HCN2: variants seen among roughly 807,000 people sequenced by gnomAD.
The protein encoded by HCN2 is hyperpolarization activated cyclic nucleotide gated potassium and sodium channel 2, also known as potassium/sodium hyperpolarization-activated cyclic nucleotide-gated channel 2.
A neutral mutation model predicts 52.3 loss-of-function variants in HCN2; 20 were observed. The observed-to-expected ratio is 0.38, with a 90% CI of 0.27 to 0.56. HCN2 has a LOEUF of 0.56. Among genes scored for constraint, HCN2 ranks in the 20% least tolerant of loss-of-function variants. HCN2 has a pLI of 0.71. For synonymous variants in HCN2, 694 were observed against 537.0 expected, an observed-to-expected ratio of 1.29 and a Z score of -4.04; for missense variants, 981 against 1,207.7, an observed-to-expected ratio of 0.81 and a Z score of 2.78.
At position 617,055 on chromosome 19, in the gene HCN2, G is replaced by A. The variant is rs1193427798; in HGVS notation, c.*581G>A. 3 of 565,292 alleles carry A rather than the reference G, an allele frequency of 5.3e-6. No homozygotes were observed. Among genetic ancestry groups the A allele is most frequent in the Non-Finnish European group, 9.6e-6 (3 of 313,552 alleles). The allele number at this position is 565,292 out of a possible 1,614,324, so 35.0% of individuals were successfully genotyped here. ...GAGGCTGGGGTCCCGCCGCCGTGAT[G>A]AATGTACTGACGAGCCGAGGCAGCA... On this transcript the variant is annotated 3_prime_UTR_variant, in exon 8 of 8. Transcript: ENST00000251287.
intron 1 of HCN2, among the ~76,000 whole-genome samples, chr19:596,333 CG>C (rs1459094338): frequency 6.6e-6 from 1 of 152,150 alleles, no homozygotes; most frequent in East Asian, 1.9e-4. Context: ...TGTCAGGTGC[CG>C]GGGGCCCCAC....
rs542316389 is a variant in HCN2 at position 616,932 on chromosome 19, C to T, written c.*458C>T. The T allele has an allele frequency of 3.5e-3, 1,305 of 372,904 alleles. 8 individuals carry two copies. The highest frequency in any genetic ancestry group is 0.025 in the African/African-American group (1,151 of 46,564). The allele number at this position is 372,904 out of a possible 1,614,324, so 23.1% of individuals were successfully genotyped here. A position where few individuals can be genotyped will look rare whatever the true frequency, so the allele number is the denominator to read the frequency against. On this transcript the variant is annotated 3_prime_UTR_variant, in exon 8 of 8. Coordinates refer to ENST00000251287, the MANE Select transcript of HCN2 (RefSeq NM_001194.4). ...CTCACGCAATAACCGGCCCGGCCCC[C>T]GTCCGCGCGCGTCCCCCGGTGACCT...
At chr19:611,296 G>T (rs1017850288) in intron 5 of HCN2, among the ~76,000 whole-genome samples, 4 of 152,248 alleles carry the variant, frequency 2.6e-5, no homozygotes, top group Non-Finnish European at 5.9e-5. Flanking sequence ...AGGAAGCGGG[G>T]CCTAGGGATG....
chr19:599,624 A>G (rs1157610828), intron 1 of HCN2, among the ~76,000 whole-genome samples: 1 of 131,148 alleles, frequency 7.6e-6, no homozygotes, highest in African/African-American at 2.7e-5. Context: ...CTAAAAATAC[A>G]AAAAAAAAAA....
intron 1 of HCN2, among the ~76,000 whole-genome samples, chr19:602,134 TCTCTC>T (rs1325882306): frequency 8.5e-5 from 10 of 117,462 alleles, no homozygotes; most frequent in South Asian, 3.8e-4. Context: ...CACTCCCTCC[TCTCTC>T]CTCCTGCGTG....
intron 7 of HCN2, among the ~76,000 whole-genome samples, chr19:614,281 C>T (rs1291609711): frequency 6.6e-5 from 10 of 152,158 alleles, no homozygotes; most frequent in East Asian, 1.9e-4. Flanking sequence ...CTACTTCAGC[C>T]AGAGGCAGCC....
At chr19:612,562 C>T (rs879352958) in intron 5 of HCN2, among the ~76,000 whole-genome samples, 91 of 151,928 alleles carry the variant, frequency 6.0e-4, no homozygotes, top group Non-Finnish European at 1.1e-3. Flanking sequence ...TACAGGCACC[C>T]GCCACCACAC....
chr19:596,079 G>T (rs375953542), intron 1 of HCN2, among the ~76,000 whole-genome samples: 7 of 152,232 alleles, frequency 4.6e-5, no homozygotes. Flanking sequence ...TGGTGTCCTC[G>T]TGGGGTTTGG....
intron 5 of HCN2, among the ~76,000 whole-genome samples, chr19:612,006 G>A (rs1336920607): frequency 2.6e-5 from 4 of 152,270 alleles, no homozygotes; most frequent in East Asian, 3.9e-4. Context: ...TTAGCCGGGC[G>A]TGGTGGTGGG....
chr19:597,150 C>CTAGG (rs1413394005), intron 1 of HCN2, among the ~76,000 whole-genome samples: 1 of 152,238 alleles, frequency 6.6e-6, no homozygotes, highest in Non-Finnish European at 1.5e-5. Flanking sequence ...GTCCCTTCTC[C>CTAGG]TAGGCCCCTC....
In HCN2 at chr19:603,536, G is replaced by C. The variant is rs771949768; in HGVS notation, c.633-8G>C. The C allele has an allele frequency of 3.8e-6, 6 of 1,596,200 alleles. No homozygotes were observed. The South Asian group carries it at 6.7e-5, about 18-fold the overall frequency. On this transcript the variant is annotated splice_polypyrimidine_tract_variant and splice_region_variant and intron_variant, in intron 1 of 7. Coordinates refer to ENST00000251287, the MANE Select transcript of HCN2 (RefSeq NM_001194.4). ...ACCGGCCTGAGGTGTGGGCACCCTC[G>C]CCCCCAGGTTCTACTGGGACTTCAC...
chr19:614,685 G>C (rs1983820429), intron 7 of HCN2, among the ~76,000 whole-genome samples: 1 of 152,056 alleles, frequency 6.6e-6, no homozygotes, highest in African/African-American at 2.4e-5. Context: ...TGGGCGGCAG[G>C]GAGAGTTTAG....
In HCN2 at chr19:594,766, G is replaced by A. The variant is rs556684637; in HGVS notation, c.632+4189G>A. Among the ~76,000 whole-genome samples, 111 of 152,288 alleles carry A rather than the reference G, an allele frequency of 7.3e-4. 3 individuals carry two copies. Among genetic ancestry groups the A allele is most frequent in the Admixed American group, 6.5e-3 (99 of 15,308 alleles). On this transcript the variant is annotated intron_variant, in intron 1 of 7. Transcript: ENST00000251287. ...TGGTCACGGCAGGAAGGCCCAGCGT[G>A]TGCAGGATGGTGGGGTGTGCATGGA...
Position 616,911 on chromosome 19 carries a change from C to G in HCN2, c.*437C>G, listed in dbSNP as rs1016262071. 1 of 336,172 alleles carries G rather than the reference C, an allele frequency of 3.0e-6. No homozygotes were observed. Among genetic ancestry groups the G allele is most frequent in the African/African-American group, 2.2e-5 (1 of 45,070 alleles). 20.8% of individuals were successfully genotyped at this position (336,172 alleles called of 1,614,324 possible). A position where few individuals can be genotyped will look rare whatever the true frequency, so the allele number is the denominator to read the frequency against. On this transcript the variant is annotated 3_prime_UTR_variant, in exon 8 of 8. Coordinates refer to ENST00000251287, the MANE Select transcript of HCN2 (RefSeq NM_001194.4). The stretch of plus-strand genomic sequence containing the variant: ...CTTCCCGCTGCCCCCATCGCGCTCA[C>G]GCAATAACCGGCCCGGCCCCCGTCC...
chr19:596,981 G>A lies in HCN2; in HGVS notation c.632+6404G>A, dbSNP rs113892864. 1.1e-4 allele frequency among the ~76,000 whole-genome samples: 16 copies of A among 152,296 alleles called. No individual in the cohort carries two copies. In the South Asian group the frequency reaches 1.7e-3, roughly 16 times the overall value. On this transcript the variant is annotated intron_variant, in intron 1 of 7. Coordinates refer to ENST00000251287, the MANE Select transcript of HCN2 (RefSeq NM_001194.4). ...TGGGGTCCCCTCTGCCCCAGGCCTCGGTTTCCCCTTGGTAGGGGACATGCG... is the reference window on the plus strand; with the variant it reads ...TGGGGTCCCCTCTGCCCCAGGCCTCAGTTTCCCCTTGGTAGGGGACATGCG...
intron 2 of HCN2, among the ~76,000 whole-genome samples, chr19:604,559 G>A (rs1171681232): frequency 5.5e-5 from 8 of 145,192 alleles, no homozygotes; most frequent in Non-Finnish European, 1.1e-4. Flanking sequence ...GGCATCAGGG[G>A]CGGGGCTATG....
intron 7 of HCN2, among the ~76,000 whole-genome samples, chr19:615,021 C>T (rs555322924): frequency 9.9e-5 from 15 of 152,222 alleles, no homozygotes; most frequent in Admixed American, 2.6e-4. Flanking sequence ...GTATGCAACC[C>T]GTTCCTGAGT....
intron 5 of HCN2, 113 bp from the exon 6 acceptor site, chr19:613,135 C>A: frequency 1.5e-6 from 2 of 1,378,794 alleles, no homozygotes; most frequent in Admixed American, 4.5e-5. Context: ...GGGCTGAGCC[C>A]GTCTCTCAGA....
chr19:607,552 A>C (rs1983464044), intron 3 of HCN2, among the ~76,000 whole-genome samples: 1 of 152,182 alleles, frequency 6.6e-6, no homozygotes, highest in Non-Finnish European at 1.5e-5. Flanking sequence ...CGGCCGGGTC[A>C]GCTGAGGACT....
Sources: allele counts gnomAD v4.1 joint callset (sites outside exome capture counted in the v4.1 genomes callset), GRCh38; gene constraint gnomAD v4.1.1; transcripts MANE v1.5; gene names NCBI Gene and HGNC (gene_info 2026-07-23, HGNC 2026-07-21).